Variants in RBM4 observed in about 807,000 individuals in gnomAD.
The protein encoded by RBM4 is RNA binding motif protein 4, also known as RNA-binding protein 4.
A neutral mutation model predicts 29.5 loss-of-function variants in RBM4; 7 were observed. That is an observed-to-expected ratio of 0.24 (90% CI 0.14 to 0.45). RBM4 has a LOEUF of 0.45. Ranked by LOEUF, RBM4 falls within the 20% of genes least tolerant of loss-of-function variation. The probability of loss-of-function intolerance (pLI) is 1.00; values close to 1 mark genes in which losing one functional copy is unlikely to be tolerated. For missense variants in RBM4, 387 were observed against 502.3 expected, an observed-to-expected ratio of 0.77 and a Z score of 2.19; for synonymous variants, 220 against 205.4, an observed-to-expected ratio of 1.07 and a Z score of -0.61.
chr11:66,661,219 T>C (rs116424357), intron 2 of RBM4, among the ~76,000 whole-genome samples: 3 of 152,352 alleles, frequency 2.0e-5, no homozygotes, highest in African/African-American at 7.2e-5. Flanking sequence ...CTAGCTCTGG[T>C]CTGAAGAAAG....
At chr11:66,640,220 TTGGC>T (rs747732927) in intron 2 of RBM4, 97 bp downstream of exon 2, 2 of 1,495,942 alleles carry the variant, frequency 1.3e-6, no homozygotes, top group Non-Finnish European at 1.9e-6. Flanking sequence ...ATAACAGCTG[TTGGC>T]TGGCTGGTGA....
intron 2 of RBM4, chr11:66,652,333 TC>T (rs1938849884): frequency 6.6e-6 from 1 of 152,176 alleles, no homozygotes; most frequent in Non-Finnish European, 1.5e-5. Context: ...GACCTCTTGA[TC>T]CGCCTGCCTT....
At chr11:66,639,540 C>T (rs112297531) in intron 1 of RBM4, 160 bp from the exon 2 acceptor site, 3 of 911,964 alleles carry the variant, frequency 3.3e-6, no homozygotes, top group Non-Finnish European at 4.9e-6. Flanking sequence ...TATAGCAGGC[C>T]TTAGTTCACT....
chr11:66,647,196 C>G (rs182106847), downstream of RBM4, among the ~76,000 whole-genome samples: 1 of 152,236 alleles, frequency 6.6e-6, no homozygotes, highest in Non-Finnish European at 1.5e-5. Flanking sequence ...TCTACAGATA[C>G]AGGACTGTGT....
Position 66,640,041 on chromosome 11 carries a change from G to T in RBM4, c.330G>T (p.Val110=). ...GTCCGGTCATCGAATGTGACATCGT[G>T]AAAGATTATGCCTTCGTACACATGG... The part of the protein sequence containing the change: ...EYGPVIECDI[V]KDYAFVHMER... Residue 110 remains valine (V), a synonymous_variant, in exon 2 of 4, where the codon GTG becomes GTT. Transcript: ENST00000310092. 6.2e-7 allele frequency: 1 copy of T among 1,614,200 alleles called. No homozygotes were observed. The highest frequency in any genetic ancestry group is 1.1e-5 in the South Asian group (1 of 91,088).
Position 66,646,284 on chromosome 11 carries a change from G to A in RBM4, c.*266G>A. Reference sequence around the variant, plus strand: ...CTCTTCTCCCAGCAGGCCTCATTGTGTGCAGAAACTGTGGTGGGGGCTGTG... The same window carrying A: ...CTCTTCTCCCAGCAGGCCTCATTGTATGCAGAAACTGTGGTGGGGGCTGTG... On this transcript the variant is annotated 3_prime_UTR_variant, in exon 4 of 4. Coordinates refer to ENST00000310092, the MANE Select transcript of RBM4 (RefSeq NM_002896.4). The A allele has an allele frequency of 7.2e-7, 1 of 1,380,272 alleles. No individual in the cohort carries two copies. Among genetic ancestry groups the A allele is most frequent in the East Asian group, 2.7e-5 (1 of 37,128 alleles). The allele number at this position is 1,380,272 out of a possible 1,614,324, so 85.5% of individuals were successfully genotyped here.
At chr11:66,655,628 G>C (rs1028062578) in intron 2 of RBM4, among the ~76,000 whole-genome samples, 3 of 152,222 alleles carry the variant, frequency 2.0e-5, no homozygotes, top group Admixed American at 2.0e-4. Context: ...TGAATTAGAT[G>C]TAAGTTAGCA....
chr11:66,639,674 T>C (rs745587526), intron 1 of RBM4, 26 bp from the exon 2 acceptor site: 1 of 1,604,252 alleles, frequency 6.2e-7, no homozygotes, highest in Non-Finnish European at 8.5e-7. Flanking sequence ...AGGTCTTTTG[T>C]CAGATGTCTT....
chr11:66,652,999 G>T (rs1429272350), intron 2 of RBM4, among the ~76,000 whole-genome samples: 1 of 152,172 alleles, frequency 6.6e-6, no homozygotes, highest in Non-Finnish European at 1.5e-5. Context: ...CAACTAACAG[G>T]GAGGCTGAGT....
exon 3 of RBM4, chr11:66,667,702 T>G (rs950005299): frequency 1.1e-4 from 17 of 149,604 alleles, no homozygotes; most frequent in African/African-American, 3.4e-4. Flanking sequence ...AAGTAGGTTT[T>G]TTTTTTTTTT....
chr11:66,661,391 C>T (rs1206279087), intron 2 of RBM4, among the ~76,000 whole-genome samples: 1 of 152,160 alleles, frequency 6.6e-6, no homozygotes, highest in African/African-American at 2.4e-5. Context: ...AGTTGCTTCC[C>T]TTTTCTGGTC....
chr11:66,644,624 C>A, intron 3 of RBM4: 1 of 921,522 alleles, frequency 1.1e-6, no homozygotes, highest in Non-Finnish European at 1.3e-6. Flanking sequence ...AACTGGTCAT[C>A]ACTGCTCAGG....
chr11:66,640,019 C>A lies in RBM4; in HGVS notation c.308C>A (p.Pro103Gln), dbSNP rs1419240397. ...CGAGCCAAGTTTGAGGAGTATGGTC[C>A]GGTCATCGAATGTGACATCGTGAAA... ...ELRAKFEEYG[P>Q]VIECDIVKDY... Residue 103 changes from proline (P) to glutamine (Q), a missense_variant, in exon 2 of 4, where the codon CCG becomes CAG. Coordinates refer to ENST00000310092, the MANE Select transcript of RBM4 (RefSeq NM_002896.4). 6.2e-7 allele frequency: 1 copy of A among 1,614,012 alleles called. No homozygotes were observed. The highest frequency in any genetic ancestry group is 8.5e-7 in the Non-Finnish European group (1 of 1,180,038).
intron 3 of RBM4, among the ~76,000 whole-genome samples, chr11:66,645,547 TAAA>T (rs1425394202): frequency 6.6e-6 from 1 of 152,222 alleles, no homozygotes; most frequent in East Asian, 1.9e-4. Context: ...CCTCAGGTCT[TAAA>T]ACTTGTGCAG....
chr11:66,646,539 G>A (rs758752532), downstream of RBM4: 158 of 987,240 alleles, frequency 1.6e-4, no homozygotes, highest in Non-Finnish European at 1.8e-4. Context: ...GAAGGGGAGG[G>A]TATAAAGTTT....
intron 2 of RBM4, among the ~76,000 whole-genome samples, chr11:66,657,108 CTTTTT>C (rs748071140): frequency 1.1e-5 from 1 of 93,438 alleles, no homozygotes; most frequent in Non-Finnish European, 2.1e-5. Flanking sequence ...ATTTTTTAGT[CTTTTT>C]TTTTTTTTTT....
chr11:66,655,866 G>A (rs2135084730), intron 2 of RBM4, among the ~76,000 whole-genome samples: 1 of 152,138 alleles, frequency 6.6e-6, no homozygotes, highest in African/African-American at 2.4e-5. Flanking sequence ...GTGTCATAAT[G>A]TGATTACTTT....
chr11:66,661,859 A>G (rs1397634422), intron 2 of RBM4, among the ~76,000 whole-genome samples: 2 of 152,104 alleles, frequency 1.3e-5, no homozygotes, highest in Admixed American at 6.5e-5. Context: ...GTGAAACCCC[A>G]TCTCCACTAA....
rs982889976 is a variant in RBM4 at position 66,639,864 on chromosome 11, C to T, written c.153C>T (p.Ala51=). ...HIEDKTAAED[A]IRNLHHYKLH... is the part of the protein sequence containing the mutation. ...AAGACAAGACGGCAGCTGAGGATGC[C>T]ATACGCAACCTGCACCATTACAAGC... The change falls in exon 2 of 4, where the codon GCC becomes GCT. Residue 51 remains alanine, a synonymous_variant. Coordinates refer to ENST00000310092, the MANE Select transcript of RBM4 (RefSeq NM_002896.4). 5 of 1,613,972 alleles carry T rather than the reference C, an allele frequency of 3.1e-6. No homozygotes were observed. The highest frequency in any genetic ancestry group is 3.4e-6 in the Non-Finnish European group (4 of 1,180,030).
Sources: gnomAD v4.1 joint callset for allele counts (sites outside exome capture counted in the v4.1 genomes callset) on GRCh38, gnomAD v4.1.1 for gene constraint, MANE v1.5 for transcripts, NCBI Gene and HGNC (gene_info 2026-07-23, HGNC 2026-07-21) for gene names.